Variants in MACROD2 observed in about 807,000 individuals in gnomAD.
The protein encoded by MACROD2 is ADP-ribose glycohydrolase MACROD2.
In MACROD2, 36 loss-of-function variants were observed where a neutral mutation model predicts 70.4. That is an observed-to-expected ratio of 0.51 (90% CI 0.39 to 0.68). MACROD2 has a LOEUF of 0.68. Ranked by LOEUF, MACROD2 falls within the 30% of genes least tolerant of loss-of-function variation. The pLI, the probability that MACROD2 is intolerant of heterozygous loss-of-function variation, is 0.00. For missense variants in MACROD2, 496 were observed against 538.4 expected (o/e 0.92, Z 0.78); for synonymous variants, 172 against 178.8 (o/e 0.96, Z 0.30).
rs79399260 is a variant in MACROD2 at position 15,943,375 on chromosome 20, C to A, written c.907+5831C>A. Among the ~76,000 whole-genome samples, 34 of 152,284 alleles carry A rather than the reference C, an allele frequency of 2.2e-4. No homozygotes were observed. In the East Asian group the frequency reaches 4.8e-3, roughly 22 times the overall value. Reference sequence around the variant, plus strand: ...GGCTAATTTTTCTTTGTCCTATTCCCATTCTTGGTGTTCACCATCCCCCAC... The same window carrying A: ...GGCTAATTTTTCTTTGTCCTATTCCAATTCTTGGTGTTCACCATCCCCCAC... On this transcript the variant is annotated intron_variant, in intron 12 of 17. Coordinates refer to ENST00000684519, the MANE Select transcript of MACROD2 (RefSeq NM_001351661.2).
intron 3 of MACROD2, among the ~76,000 whole-genome samples, chr20:14,120,744 G>T (rs2148692032): frequency 6.6e-6 from 1 of 151,510 alleles, no homozygotes; most frequent in Middle Eastern, 3.4e-3. Flanking sequence ...AAATGAATGA[G>T]ATCACATTCT....
intron 4 of MACROD2, among the ~76,000 whole-genome samples, chr20:14,622,281 G>A (rs573562241): frequency 1.3e-5 from 2 of 152,088 alleles, no homozygotes; most frequent in South Asian, 4.2e-4. Flanking sequence ...CTGAGAAGTT[G>A]TCCGTTAAGT....
At chr20:14,761,511 C>A (rs2072015340) in intron 5 of MACROD2, among the ~76,000 whole-genome samples, 1 of 152,070 alleles carries the variant, frequency 6.6e-6, no homozygotes, top group African/African-American at 2.4e-5. Flanking sequence ...GAGTTTACTG[C>A]CCCTTCCTTC....
chr20:15,830,421 G>A (rs1239892004), intron 8 of MACROD2, among the ~76,000 whole-genome samples: 2 of 152,142 alleles, frequency 1.3e-5, no homozygotes, highest in Non-Finnish European at 2.9e-5. Context: ...AAATTCCATA[G>A]CCAGGGTTTT....
At chr20:15,379,069 A>G (rs903027898) in intron 6 of MACROD2, among the ~76,000 whole-genome samples, 15 of 152,220 alleles carry the variant, frequency 9.9e-5, no homozygotes, top group African/African-American at 3.4e-4. Flanking sequence ...TTATATCAAG[A>G]GGTATGACTA....
intron 3 of MACROD2, among the ~76,000 whole-genome samples, chr20:14,153,090 T>C (rs2055048027): frequency 6.6e-6 from 1 of 152,220 alleles, no homozygotes; most frequent in Admixed American, 6.5e-5. Flanking sequence ...TGAAATGTAC[T>C]GCTAAGGTTA....
At chr20:14,211,972 A>G (rs1257762540) in intron 3 of MACROD2, among the ~76,000 whole-genome samples, 1 of 152,118 alleles carries the variant, frequency 6.6e-6, no homozygotes, top group Non-Finnish European at 1.5e-5. Flanking sequence ...CCATGTACCT[A>G]CTTACTTCTC....
intron 3 of MACROD2, among the ~76,000 whole-genome samples, chr20:14,484,270 C>G (rs1259567321): frequency 4.6e-5 from 7 of 151,838 alleles, no homozygotes; most frequent in Non-Finnish European, 1.0e-4. Flanking sequence ...ACCCATAATA[C>G]TTTGGAGAAT....
At chr20:15,724,243 T>A (rs2050829063) in intron 8 of MACROD2, among the ~76,000 whole-genome samples, 1 of 152,222 alleles carries the variant, frequency 6.6e-6, no homozygotes, top group Non-Finnish European at 1.5e-5. Context: ...TTTCTTGACA[T>A]TATCTTTTCA....
intron 7 of MACROD2, among the ~76,000 whole-genome samples, chr20:15,459,300 C>T (rs1297811742): frequency 6.6e-6 from 1 of 152,064 alleles, no homozygotes; most frequent in Non-Finnish European, 1.5e-5. Flanking sequence ...CCTGCCCCCT[C>T]CCCGCTCTCC....
chr20:15,075,891 G>A (rs111467147), intron 5 of MACROD2, among the ~76,000 whole-genome samples: 34 of 152,210 alleles, frequency 2.2e-4, no homozygotes, highest in East Asian at 1.2e-3. Flanking sequence ...GCATTTGTTC[G>A]TAAAAAGTGT....
intron 8 of MACROD2, among the ~76,000 whole-genome samples, chr20:15,593,664 G>T (rs74663978): frequency 6.6e-6 from 1 of 152,182 alleles, no homozygotes; most frequent in East Asian, 1.9e-4. Flanking sequence ...TCTTCAAGAG[G>T]TGGTCTATTT....
intron 2 of MACROD2, among the ~76,000 whole-genome samples, chr20:14,029,845 A>G (rs576270308): frequency 1.3e-5 from 2 of 152,264 alleles, no homozygotes; most frequent in East Asian, 3.9e-4. Flanking sequence ...TAATTTATCG[A>G]TACTTTCTGT....
At chr20:14,000,080 A>G (rs893664653) in intron 1 of MACROD2, among the ~76,000 whole-genome samples, 1 of 152,218 alleles carries the variant, frequency 6.6e-6, no homozygotes, top group Admixed American at 6.5e-5. Flanking sequence ...GGTGACAACT[A>G]CGATTTATTT....
chr20:15,169,016 G>C (rs979319383), intron 5 of MACROD2, among the ~76,000 whole-genome samples: 3 of 152,044 alleles, frequency 2.0e-5, no homozygotes, highest in Non-Finnish European at 2.9e-5. Flanking sequence ...CAGAATAATG[G>C]GAAGTTATTA....
chr20:14,932,046 A>G (rs2122681056), intron 5 of MACROD2, among the ~76,000 whole-genome samples: 1 of 152,030 alleles, frequency 6.6e-6, no homozygotes, highest in African/African-American at 2.4e-5. Flanking sequence ...AAACCAGCAA[A>G]AAGTTAATAA....
rs898934060 is a variant in MACROD2 at position 15,333,860 on chromosome 20, T to C, written c.541-97545T>C. Among the ~76,000 whole-genome samples the C allele has an allele frequency of 4.0e-5, 6 of 151,682 alleles. 1 individual carries two copies. Among genetic ancestry groups the C allele is most frequent in the African/African-American group, 1.5e-4 (6 of 41,038 alleles). On this transcript the variant is annotated intron_variant, in intron 6 of 17. Transcript: ENST00000684519. The stretch of plus-strand genomic sequence containing the variant: ...GATTTGAACTTTACTTTTTGATTGC[T>C]GGACTGGTTACTTTGCTTAAAAAAA...
chr20:14,518,663 A>G (rs2085130607), intron 4 of MACROD2, among the ~76,000 whole-genome samples: 1 of 152,210 alleles, frequency 6.6e-6, no homozygotes, highest in Non-Finnish European at 1.5e-5. Flanking sequence ...AGGTTATGGT[A>G]TCCTAGAATC....
At chr20:15,721,870 C>T (rs763488319) in intron 8 of MACROD2, among the ~76,000 whole-genome samples, 9 of 152,078 alleles carry the variant, frequency 5.9e-5, no homozygotes, top group South Asian at 2.1e-4. Flanking sequence ...CCCCTGATTG[C>T]GTCACATTTT....
Sources: gnomAD v4.1 joint callset for allele counts (sites outside exome capture counted in the v4.1 genomes callset) on GRCh38, gnomAD v4.1.1 for gene constraint, MANE v1.5 for transcripts, NCBI Gene and HGNC (gene_info 2026-07-23, HGNC 2026-07-21) for gene names.